DDX10: variants seen among roughly 807,000 people sequenced by gnomAD.
DDX10 encodes the protein probable ATP-dependent RNA helicase DDX10.
Under a neutral mutation model 104.3 loss-of-function variants are expected in DDX10, and 74 were observed. The observed-to-expected ratio is 0.71, with a 90% CI of 0.59 to 0.86. DDX10 has a LOEUF of 0.86. DDX10 is among the 40% of genes least tolerant of loss of function. The pLI is 0.00. For missense variants in DDX10, 952 were observed against 1,040.0 expected (o/e 0.92, Z 1.16); for synonymous variants, 351 against 353.4 (o/e 0.99, Z 0.08).
chr11:108,668,892 A>G (rs1283589100), intron 1 of DDX10, among the ~76,000 whole-genome samples: 5 of 152,128 alleles, frequency 3.3e-5, no homozygotes, highest in African/African-American at 1.2e-4. Flanking sequence ...GTTATCCTAT[A>G]CTGAGCTCCT....
At chr11:108,919,576 G>A (rs1236289790) in intron 17 of DDX10, 1 of 152,136 alleles carries the variant, frequency 6.6e-6, no homozygotes, top group Non-Finnish European at 1.5e-5. Flanking sequence ...ATGACTTTCA[G>A]TCATTGTCTT....
chr11:108,826,750 G>T (rs1862400989), intron 13 of DDX10, among the ~76,000 whole-genome samples: 1 of 152,118 alleles, frequency 6.6e-6, no homozygotes, highest in Non-Finnish European at 1.5e-5. Flanking sequence ...CTTCCATTTT[G>T]TGTCCTCTGG....
At chr11:108,775,499 C>G (rs2094368712) in intron 13 of DDX10, among the ~76,000 whole-genome samples, 1 of 152,156 alleles carries the variant, frequency 6.6e-6, no homozygotes, top group African/African-American at 2.4e-5. Context: ...TTATGGAGAC[C>G]TATGTGTCTG....
At chr11:108,717,549 T>G (rs1565256985) in intron 11 of DDX10, among the ~76,000 whole-genome samples, 1 of 152,192 alleles carries the variant, frequency 6.6e-6, no homozygotes. Flanking sequence ...TGGCCTCAAG[T>G]GATCCGCTTG....
At chr11:108,915,949 T>TAAAA (rs34651677) in intron 16 of DDX10, among the ~76,000 whole-genome samples, 1 of 127,714 alleles carries the variant, frequency 7.8e-6, no homozygotes, top group African/African-American at 2.9e-5. Flanking sequence ...TGCAAAAATG[T>TAAAA]AAAAAAAAAA....
intron 13 of DDX10, among the ~76,000 whole-genome samples, chr11:108,775,801 C>T (rs938373458): frequency 1.3e-5 from 2 of 152,144 alleles, no homozygotes; most frequent in African/African-American, 4.8e-5. Flanking sequence ...ATATTTTAAG[C>T]AAGACCCTGT....
At chr11:108,740,019 G>A (rs1270746858) in intron 13 of DDX10, among the ~76,000 whole-genome samples, 1 of 139,858 alleles carries the variant, frequency 7.2e-6, no homozygotes, top group African/African-American at 2.7e-5. Flanking sequence ...AGTGGTATAT[G>A]TGCAGATTTG....
At chr11:108,759,425 T>A (rs959976145) in intron 13 of DDX10, among the ~76,000 whole-genome samples, 9 of 151,012 alleles carry the variant, frequency 6.0e-5, no homozygotes, top group African/African-American at 1.7e-4. Flanking sequence ...CTATTTGAAC[T>A]TACGCTAACC....
intron 13 of DDX10, among the ~76,000 whole-genome samples, chr11:108,829,955 G>A (rs973075735): frequency 3.3e-4 from 51 of 152,272 alleles, no homozygotes; most frequent in African/African-American, 1.2e-3. Flanking sequence ...TGCTGTTTTG[G>A]TGAATATGGC....
chr11:108,723,569 G>T, intron 13 of DDX10, 107 bp downstream of exon 13: 1 of 1,145,388 alleles, frequency 8.7e-7, no homozygotes, highest in Non-Finnish European at 1.2e-6. Context: ...CTTAGACTGG[G>T]TTTCTTTGCA....
At chr11:108,763,870 G>C (rs965549765) in intron 13 of DDX10, among the ~76,000 whole-genome samples, 10 of 152,096 alleles carry the variant, frequency 6.6e-5, no homozygotes, top group African/African-American at 2.4e-4. Flanking sequence ...TTTGTGTAAG[G>C]ATAGCTGATA....
chr11:108,701,568 G>A (rs1191823071), intron 9 of DDX10, among the ~76,000 whole-genome samples: 1 of 151,106 alleles, frequency 6.6e-6, no homozygotes, highest in East Asian at 1.9e-4. Flanking sequence ...GTAGTAAATA[G>A]TGATTTATTT....
intron 16 of DDX10, chr11:108,868,132 A>G (rs1043342258): frequency 1.3e-5 from 2 of 152,174 alleles, no homozygotes; most frequent in Non-Finnish European, 2.9e-5. Context: ...TGCAGTTAGG[A>G]AGAAGGGGCA....
intron 16 of DDX10, among the ~76,000 whole-genome samples, chr11:108,864,066 T>C (rs940035427): frequency 2.0e-5 from 3 of 152,228 alleles, no homozygotes; most frequent in African/African-American, 7.2e-5. Context: ...TTGCCTGCAT[T>C]GCCAACCTTC....
intron 13 of DDX10, among the ~76,000 whole-genome samples, chr11:108,783,185 T>C (rs548839751): frequency 4.4e-4 from 67 of 152,294 alleles, no homozygotes; most frequent in Non-Finnish European, 4.4e-5. Flanking sequence ...CTGTGAGCTT[T>C]TTAAAGATAT....
chr11:108,827,184 C>A (rs1224353366), intron 13 of DDX10, among the ~76,000 whole-genome samples: 1 of 152,188 alleles, frequency 6.6e-6, no homozygotes, highest in Non-Finnish European at 1.5e-5. Flanking sequence ...TTCACTAATT[C>A]TTCTTTCAAT....
At chr11:108,763,413 A>G (rs1211475263) in intron 13 of DDX10, among the ~76,000 whole-genome samples, 2 of 152,188 alleles carry the variant, frequency 1.3e-5, no homozygotes, top group Non-Finnish European at 2.9e-5. Flanking sequence ...GTATTCTATT[A>G]CTAGAAACAA....
intron 13 of DDX10, among the ~76,000 whole-genome samples, chr11:108,806,467 T>TA (rs1862102672): frequency 1.3e-5 from 2 of 152,296 alleles, no homozygotes; most frequent in African/African-American, 4.8e-5. Context: ...GAGCTTTTAT[T>TA]ATGTGCCAGA....
At chr11:108,802,665 GT>G (rs1370194994) in intron 13 of DDX10, among the ~76,000 whole-genome samples, 1 of 152,112 alleles carries the variant, frequency 6.6e-6, no homozygotes, top group African/African-American at 2.4e-5. Flanking sequence ...AAACAAAAAA[GT>G]TTCCCAGAGT....
Sources: allele counts gnomAD v4.1 joint callset (sites outside exome capture counted in the v4.1 genomes callset), GRCh38; gene constraint gnomAD v4.1.1; transcripts MANE v1.5; gene names NCBI Gene and HGNC (gene_info 2026-07-23, HGNC 2026-07-21).